Variants in PTPRD observed in about 807,000 individuals in gnomAD.
PTPRD encodes receptor-type tyrosine-protein phosphatase delta.
Under a neutral mutation model 214.5 loss-of-function variants are expected in PTPRD, and 34 were observed. The observed-to-expected ratio is 0.16, with a 90% CI of 0.12 to 0.21. The LOEUF (loss-of-function observed/expected upper bound fraction) is 0.21. Ranked by LOEUF, PTPRD falls within the 10% of genes least tolerant of loss-of-function variation. The pLI is 1.00. For synonymous variants in PTPRD, 1,128 were observed against 845.7 expected, an observed-to-expected ratio of 1.33 and a Z score of -5.79; for missense variants, 2,545 against 2,398.7, an observed-to-expected ratio of 1.06 and a Z score of -1.27.
At chr9:9,675,243 T>C (rs1179353447) in intron 7 of PTPRD, among the ~76,000 whole-genome samples, 2 of 151,920 alleles carry the variant, frequency 1.3e-5, no homozygotes, top group Non-Finnish European at 2.9e-5. Flanking sequence ...CTTAATGATT[T>C]AAAGTTTTTG....
intron 11 of PTPRD, among the ~76,000 whole-genome samples, chr9:8,911,440 TGAGAGA>T (rs35690626): frequency 6.7e-6 from 1 of 149,014 alleles, no homozygotes; most frequent in African/African-American, 2.5e-5. Context: ...TGTGTGTGTG[TGAGAGA>T]GAGAGAGAGA....
chr9:9,513,381 C>G (rs2096755937), intron 8 of PTPRD, among the ~76,000 whole-genome samples: 1 of 151,860 alleles, frequency 6.6e-6, no homozygotes, highest in South Asian at 2.1e-4. Flanking sequence ...TATGACTTGA[C>G]TATACTCAAA....
At position 9,175,622 on chromosome 9, in the gene PTPRD, C is replaced by CAA. The variant is rs55707715; in HGVS notation, c.-143+7680_-143+7681dup. ...TGGGCAACAGAGTGAGACTCTGTCT[C>CAA]AAAAAAAAAAAAAAAAAAAAAAAAA... On this transcript the variant is annotated intron_variant, in intron 10 of 45. Transcript: ENST00000381196. Among the ~76,000 whole-genome samples the CAA allele has an allele frequency of 9.7e-4, 44 of 45,228 alleles. No homozygotes were observed. In the East Asian group the frequency reaches 0.017, roughly 18 times the overall value. 29.7% of individuals were successfully genotyped at this position (45,228 alleles called of 152,430 possible).
chr9:9,741,596 C>A (rs1249254693), intron 6 of PTPRD, among the ~76,000 whole-genome samples: 1 of 152,120 alleles, frequency 6.6e-6, no homozygotes, highest in Non-Finnish European at 1.5e-5. Context: ...CTAATGCTAT[C>A]CCTCCCATAG....
chr9:8,754,355 C>T (rs2093797321), intron 11 of PTPRD, among the ~76,000 whole-genome samples: 1 of 152,138 alleles, frequency 6.6e-6, no homozygotes, highest in African/African-American at 2.4e-5. Context: ...GTTACCAAGA[C>T]TTATTATAAA....
chr9:9,947,528 ATATTT>A (rs1202367996), intron 4 of PTPRD, among the ~76,000 whole-genome samples: 2 of 21,368 alleles, frequency 9.4e-5, no homozygotes, highest in African/African-American at 5.0e-4. Flanking sequence ...TATATTATAT[ATATTT>A]TATATATAAT....
At position 9,311,877 on chromosome 9, in the gene PTPRD, TA is replaced by T. The variant is rs1298146515; in HGVS notation, c.-203+85571del. ...AAATAGAATGTTTAAAGCAATTCAT[TA>T]AATTATAATCAGTAAACAATATTCC... On this transcript the variant is annotated intron_variant, in intron 9 of 45. Transcript: ENST00000381196. Among the ~76,000 whole-genome samples, 10 of 152,200 alleles carry T rather than the reference TA, an allele frequency of 6.6e-5. No individual in the cohort carries two copies. The South Asian group carries it at 2.1e-3, about 32-fold the overall frequency.
chr9:8,535,008 G>A (rs990155282), intron 14 of PTPRD, among the ~76,000 whole-genome samples: 87 of 151,994 alleles, frequency 5.7e-4, no homozygotes, highest in Admixed American at 1.6e-3. Flanking sequence ...TGGGTATGAA[G>A]TAATCTAGAT....
chr9:9,970,702 T>G (rs1301167091), intron 4 of PTPRD, among the ~76,000 whole-genome samples: 1 of 152,162 alleles, frequency 6.6e-6, no homozygotes, highest in African/African-American at 2.4e-5. Context: ...GTCCCGCTGG[T>G]TGACCGAATA....
intron 2 of PTPRD, among the ~76,000 whole-genome samples, chr9:10,509,579 A>ATATATATATATATTTT (rs1402201904): frequency 3.0e-4 from 39 of 131,254 alleles, no homozygotes; most frequent in Non-Finnish European, 1.1e-4. Flanking sequence ...ATATATATAT[A>ATATATATATATATTTT]TTTTACTCAC....
chr9:9,371,427 T>C (rs1224861837), intron 9 of PTPRD, among the ~76,000 whole-genome samples: 1 of 152,208 alleles, frequency 6.6e-6, no homozygotes, highest in East Asian at 1.9e-4. Context: ...TCTCTGATGG[T>C]AGTTTGTATT....
intron 9 of PTPRD, among the ~76,000 whole-genome samples, chr9:9,222,735 A>G (rs2099956959): frequency 6.6e-6 from 1 of 152,078 alleles, no homozygotes; most frequent in Non-Finnish European, 1.5e-5. Context: ...CACTGAAAAT[A>G]TCAATAGATG....
At chr9:9,025,043 T>G (rs989226204) in intron 10 of PTPRD, among the ~76,000 whole-genome samples, 6 of 152,072 alleles carry the variant, frequency 3.9e-5, no homozygotes, top group Admixed American at 6.6e-5. Context: ...CAGTTTATCG[T>G]TGTTTAGTCC....
chr9:9,364,817 C>T (rs962792413), intron 9 of PTPRD, among the ~76,000 whole-genome samples: 8 of 151,346 alleles, frequency 5.3e-5, no homozygotes, highest in South Asian at 4.2e-4. Flanking sequence ...GACTTCATTT[C>T]GGAAGGTTCA....
At chr9:10,109,825 T>C (rs1311114110) in intron 3 of PTPRD, among the ~76,000 whole-genome samples, 1 of 152,146 alleles carries the variant, frequency 6.6e-6, no homozygotes, top group Non-Finnish European at 1.5e-5. Context: ...TCTGGTTATA[T>C]ATTTTTTTCA....
intron 2 of PTPRD, among the ~76,000 whole-genome samples, chr9:10,518,432 T>C (rs991624560): frequency 2.0e-5 from 3 of 152,140 alleles, no homozygotes; most frequent in East Asian, 1.9e-4. Flanking sequence ...CCAGTGGAAA[T>C]TGAGTGTGAA....
chr9:10,428,229 G>C (rs1371002153), intron 2 of PTPRD, among the ~76,000 whole-genome samples: 1 of 152,058 alleles, frequency 6.6e-6, no homozygotes, highest in African/African-American at 2.4e-5. Flanking sequence ...TGAGGCGGGA[G>C]AATTGTTTGA....
chr9:9,779,295 AC>A (rs1451298881), intron 5 of PTPRD, among the ~76,000 whole-genome samples: 3 of 152,048 alleles, frequency 2.0e-5, no homozygotes, highest in African/African-American at 7.2e-5. Context: ...ATTGGCTTTG[AC>A]AAAAAAAATT....
At chr9:8,734,560 T>C (rs1411013550) in intron 11 of PTPRD, among the ~76,000 whole-genome samples, 1 of 152,246 alleles carries the variant, frequency 6.6e-6, no homozygotes, top group Non-Finnish European at 1.5e-5. Context: ...CATGAGCCTC[T>C]TTCATTTAAC....
Sources: allele counts gnomAD v4.1 joint callset (sites outside exome capture counted in the v4.1 genomes callset), GRCh38; gene constraint gnomAD v4.1.1; transcripts MANE v1.5; gene names NCBI Gene and HGNC (gene_info 2026-07-23, HGNC 2026-07-21).